Variants in ARHGAP25 observed in about 807,000 individuals in gnomAD.
The protein encoded by ARHGAP25 is Rho GTPase activating protein 25.
Under a neutral mutation model 71.0 loss-of-function variants are expected in ARHGAP25, and 34 were observed. The observed-to-expected ratio is 0.48, with a 90% CI of 0.36 to 0.64. ARHGAP25 has a LOEUF of 0.64. ARHGAP25 is among the 30% of genes least tolerant of loss of function. The probability of loss-of-function intolerance (pLI) is 0.00; values close to 1 mark genes in which losing one functional copy is unlikely to be tolerated. For missense variants in ARHGAP25, 706 were observed against 805.1 expected, an observed-to-expected ratio of 0.88 and a Z score of 1.49; for synonymous variants, 282 against 296.5, an observed-to-expected ratio of 0.95 and a Z score of 0.50.
At chr2:68,766,363 C>T (rs1252741164) in intron 1 of ARHGAP25, among the ~76,000 whole-genome samples, 1 of 152,182 alleles carries the variant, frequency 6.6e-6, no homozygotes, top group East Asian at 1.9e-4. Context: ...TGCCAAATCT[C>T]CACTTTGCCT....
At chr2:68,817,793 T>G in intron 7 of ARHGAP25, 80 bp from the exon 8 acceptor site, 2 of 1,533,128 alleles carry the variant, frequency 1.3e-6, no homozygotes, top group Non-Finnish European at 1.8e-6. Context: ...GATCCATCCC[T>G]GAGTTCTCAT....
At chr2:68,743,226 A>C (rs757908378) in intron 1 of ARHGAP25, among the ~76,000 whole-genome samples, 1 of 152,186 alleles carries the variant, frequency 6.6e-6, no homozygotes, top group Non-Finnish European at 1.5e-5. Flanking sequence ...AGAGCTGCCC[A>C]CCATCTCCTA....
At chr2:68,805,094 G>A (rs1279819584) in intron 4 of ARHGAP25, among the ~76,000 whole-genome samples, 1 of 152,176 alleles carries the variant, frequency 6.6e-6, no homozygotes, top group African/African-American at 2.4e-5. Flanking sequence ...GGGCCAAGGA[G>A]GAGAAAAAGA....
At chr2:68,720,562 A>AAAAATCT in intron 2 of ARHGAP25, among the ~76,000 whole-genome samples, 1 of 152,308 alleles carries the variant, frequency 6.6e-6, no homozygotes, top group South Asian at 2.1e-4. Context: ...TAAGGTGGGC[A>AAAAATCT]AAAATCTATG....
intron 1 of ARHGAP25, among the ~76,000 whole-genome samples, chr2:68,750,781 A>G (rs946375518): frequency 6.6e-6 from 1 of 152,208 alleles, no homozygotes; most frequent in Non-Finnish European, 1.5e-5. Flanking sequence ...TCAGGGCTGC[A>G]CAGAAGAGGG....
intron 4 of ARHGAP25, among the ~76,000 whole-genome samples, chr2:68,789,361 A>G (rs1679003208): frequency 6.6e-6 from 1 of 152,184 alleles, no homozygotes; most frequent in African/African-American, 2.4e-5. Context: ...GATACATTTC[A>G]GCATTTATTT....
intron 2 of ARHGAP25, among the ~76,000 whole-genome samples, chr2:68,713,670 C>T (rs1057049304): frequency 2.0e-5 from 3 of 152,156 alleles, no homozygotes; most frequent in Admixed American, 1.3e-4. Context: ...AGATACATTC[C>T]ATCAATACCT....
At chr2:68,795,459 T>C (rs1324609533) in intron 4 of ARHGAP25, among the ~76,000 whole-genome samples, 1 of 152,160 alleles carries the variant, frequency 6.6e-6, no homozygotes, top group African/African-American at 2.4e-5. Context: ...AGTTTTGGTA[T>C]GTTTTTGTAT....
chr2:68,791,180 G>GA (rs1230391347), intron 4 of ARHGAP25, among the ~76,000 whole-genome samples: 13 of 152,102 alleles, frequency 8.5e-5, no homozygotes, highest in Non-Finnish European at 1.8e-4. Context: ...TTTGCTCCTT[G>GA]GCACATAACC....
intron 5 of ARHGAP25, among the ~76,000 whole-genome samples, 190 bp downstream of exon 5, chr2:68,807,670 G>A (rs1680473667): frequency 6.6e-6 from 1 of 152,200 alleles, no homozygotes; most frequent in African/African-American, 2.4e-5. Context: ...TTAGGAGAGT[G>A]TGCAGATAGT....
intron 4 of ARHGAP25, among the ~76,000 whole-genome samples, chr2:68,801,371 G>A (rs1298590616): frequency 6.6e-6 from 1 of 152,196 alleles, no homozygotes; most frequent in African/African-American, 2.4e-5. Flanking sequence ...CCTCAGAGGA[G>A]GCTAAAAGCA....
At chr2:68,712,040 A>G (rs1385518640) in intron 2 of ARHGAP25, among the ~76,000 whole-genome samples, 1 of 152,172 alleles carries the variant, frequency 6.6e-6, no homozygotes, top group African/African-American at 2.4e-5. Flanking sequence ...AGTAATGGGA[A>G]TCCTGGGTCA....
At chr2:68,793,078 GCAA>G (rs1679303634) in intron 4 of ARHGAP25, among the ~76,000 whole-genome samples, 1 of 151,956 alleles carries the variant, frequency 6.6e-6, no homozygotes, top group Non-Finnish European at 1.5e-5. Flanking sequence ...GTCTTCTTTC[GCAA>G]ATTGTCTGCT....
intron 2 of ARHGAP25, chr2:68,775,748 T>G: frequency 1.9e-6 from 1 of 515,650 alleles, no homozygotes. Context: ...AAACCGATTT[T>G]GGGACTCATT....
At chr2:68,775,982 C>T (rs12997009) in intron 2 of ARHGAP25, among the ~76,000 whole-genome samples, 1 of 151,882 alleles carries the variant, frequency 6.6e-6, no homozygotes, top group African/African-American at 2.4e-5. Flanking sequence ...GCAGATGTCA[C>T]GAGTTAAGGG....
At chr2:68,812,272 T>C (rs1558656976) in intron 5 of ARHGAP25, among the ~76,000 whole-genome samples, 1 of 152,130 alleles carries the variant, frequency 6.6e-6, no homozygotes, top group African/African-American at 2.4e-5. Context: ...TTGTGAGTGT[T>C]TTTTCCCCCA....
In ARHGAP25 at chr2:68,787,824, C is replaced by A. The variant is rs371881296; in HGVS notation, c.350-16C>A. Reference sequence around the variant, plus strand: ...TATCACTCTAAGACCTTCACAAGTGCTAATTCTTCCTCCAGCCTCATGGGA... The same window carrying A: ...TATCACTCTAAGACCTTCACAAGTGATAATTCTTCCTCCAGCCTCATGGGA... On this transcript the variant is annotated splice_polypyrimidine_tract_variant and intron_variant, in intron 3 of 10. Transcript: ENST00000409202. The A allele has an allele frequency of 9.3e-6, 15 of 1,605,742 alleles. No homozygotes were observed. Among genetic ancestry groups the A allele is most frequent in the Non-Finnish European group, 1.3e-5 (15 of 1,172,372 alleles).
At chr2:68,817,396 A>T (rs2311420) in intron 7 of ARHGAP25, among the ~76,000 whole-genome samples, 80,259 of 151,938 alleles carry the variant, frequency 0.53, 21,723 homozygotes, top group South Asian at 0.69. Flanking sequence ...ACCTGCTGAG[A>T]ATTAGCAATG....
intron 4 of ARHGAP25, among the ~76,000 whole-genome samples, chr2:68,802,719 GAGAGA>G (rs1318219551): frequency 7.2e-6 from 1 of 139,128 alleles, no homozygotes; most frequent in African/African-American, 3.4e-5. Flanking sequence ...GAGAGAGAGA[GAGAGA>G]GAGAGAGAAA....
Sources: gnomAD v4.1 joint callset for allele counts (sites outside exome capture counted in the v4.1 genomes callset) on GRCh38, gnomAD v4.1.1 for gene constraint, MANE v1.5 for transcripts, NCBI Gene and HGNC (gene_info 2026-07-23, HGNC 2026-07-21) for gene names.